Variants in DLC1 observed in about 807,000 individuals in gnomAD.
DLC1 encodes DLC1 Rho GTPase activating protein.
Under a neutral mutation model 140.3 loss-of-function variants are expected in DLC1, and 54 were observed. That is an observed-to-expected ratio of 0.38 (90% CI 0.31 to 0.48). The LOEUF is 0.48. DLC1 is among the 20% of genes least tolerant of loss of function. The probability of loss-of-function intolerance (pLI) is 0.96; values close to 1 mark genes in which losing one functional copy is unlikely to be tolerated. For missense variants in DLC1, 2,536 were observed against 1,907.0 expected, an observed-to-expected ratio of 1.33 and a Z score of -6.14; for synonymous variants, 986 against 728.1, an observed-to-expected ratio of 1.35 and a Z score of -5.70.
At chr8:13,356,130 T>A (rs1020766752) in intron 4 of DLC1, among the ~76,000 whole-genome samples, 1 of 151,804 alleles carries the variant, frequency 6.6e-6, no homozygotes, top group Non-Finnish European at 1.5e-5. Flanking sequence ...TTTTTTATTT[T>A]TAGTTAAGTA....
intron 5 of DLC1, among the ~76,000 whole-genome samples, chr8:13,258,849 A>T (rs1300878155): frequency 6.6e-6 from 1 of 152,162 alleles, no homozygotes; most frequent in African/African-American, 2.4e-5. Flanking sequence ...AAACAGAGAG[A>T]AAATTAGGCC....
chr8:13,312,386 A>AT lies in DLC1; in HGVS notation c.1315-7085_1315-7084insA, dbSNP rs746830060. The stretch of plus-strand genomic sequence containing the variant: ...AAAAAAAAAAAAAAAAAAAAAAAAA[A>AT]AATAATTTCTTTAGCAAGCTAGATA... On this transcript the variant is annotated intron_variant, in intron 4 of 17. Coordinates refer to ENST00000276297, the MANE Select transcript of DLC1 (RefSeq NM_182643.3). 1.6e-3 allele frequency among the ~76,000 whole-genome samples: 134 copies of AT among 81,698 alleles called. 5 individuals are homozygous for AT. Among genetic ancestry groups the AT allele is most frequent in the African/African-American group, 5.5e-3 (124 of 22,404 alleles). 53.6% of individuals were successfully genotyped at this position (81,698 alleles called of 152,430 possible). A position where few individuals can be genotyped will look rare whatever the true frequency, so the allele number is the denominator to read the frequency against.
chr8:13,424,973 C>T (rs952697566), intron 2 of DLC1, among the ~76,000 whole-genome samples: 1 of 152,146 alleles, frequency 6.6e-6, no homozygotes, highest in Non-Finnish European at 1.5e-5. Context: ...TGATCATATG[C>T]ATTTATTGCT....
intron 4 of DLC1, among the ~76,000 whole-genome samples, chr8:13,323,096 C>T (rs1019556835): frequency 2.6e-5 from 4 of 152,198 alleles, no homozygotes; most frequent in East Asian, 3.9e-4. Flanking sequence ...AACCCTATGA[C>T]ATAGGCTCAG....
At chr8:13,093,394 G>C (rs1315360364) in intron 12 of DLC1, among the ~76,000 whole-genome samples, 3 of 151,986 alleles carry the variant, frequency 2.0e-5, no homozygotes, top group Non-Finnish European at 4.4e-5. Flanking sequence ...AAAATATTCA[G>C]TTCAGTTCAA....
At chr8:13,561,826 G>T (rs1300355442) in intron 1 of DLC1, among the ~76,000 whole-genome samples, 2 of 152,128 alleles carry the variant, frequency 1.3e-5, no homozygotes, top group Non-Finnish European at 2.9e-5. Flanking sequence ...AATGGGTAAG[G>T]TTATTAACTC....
At chr8:13,192,254 C>A (rs946492207) in intron 5 of DLC1, among the ~76,000 whole-genome samples, 1 of 150,274 alleles carries the variant, frequency 6.7e-6, no homozygotes, top group Non-Finnish European at 1.5e-5. Flanking sequence ...CCCAGCCAGC[C>A]TGATTATTCT....
intron 5 of DLC1, chr8:13,276,141 T>G: frequency 2.4e-5 from 33 of 1,376,796 alleles, no homozygotes; most frequent in Non-Finnish European, 3.1e-5. Context: ...ATGACAAGAA[T>G]GAAACTTCAA....
chr8:13,296,317 C>A (rs1831951460), intron 5 of DLC1, among the ~76,000 whole-genome samples: 1 of 151,832 alleles, frequency 6.6e-6, no homozygotes, highest in Non-Finnish European at 1.5e-5. Context: ...ACAAAAGGGC[C>A]CTTTCATAAA....
chr8:13,311,823 A>C (rs547310755), intron 4 of DLC1, among the ~76,000 whole-genome samples: 2 of 152,312 alleles, frequency 1.3e-5, no homozygotes, highest in African/African-American at 4.8e-5. Flanking sequence ...CCCTCCCCTA[A>C]GTAAGAATGA....
rs1317194174 is a variant in DLC1, at chr8:13,577,715, G to GT, written c.-126+26821dup. On this transcript the variant is annotated intron_variant, in intron 1 of 1. Transcript: ENST00000631382. ...ATTATGCCCACTGTTTTGGGCTTTT[G>GT]TTTCCTCCTTGGTATCTAGGATTTA... is the stretch of plus-strand genomic sequence containing the variant. 9.9e-5 allele frequency among the ~76,000 whole-genome samples: 15 copies of GT among 152,174 alleles called. No homozygotes were observed. In the East Asian group the frequency reaches 2.7e-3, roughly 27 times the overall value.
At chr8:13,184,825 A>T (rs1826252285) in intron 5 of DLC1, among the ~76,000 whole-genome samples, 1 of 152,202 alleles carries the variant, frequency 6.6e-6, no homozygotes, top group Non-Finnish European at 1.5e-5. Flanking sequence ...TGCTTGTTGC[A>T]GAGCTGAGTT....
chr8:13,579,126 C>G (rs75298705), intron 1 of DLC1, among the ~76,000 whole-genome samples: 21,104 of 149,086 alleles, frequency 0.14, 1,908 homozygotes, highest in African/African-American at 0.26. Flanking sequence ...CATTAAATGA[C>G]AACGGTGTTA....
intron 5 of DLC1, among the ~76,000 whole-genome samples, chr8:13,221,369 C>CTT (rs113799968): frequency 7.1e-6 from 1 of 141,444 alleles, no homozygotes; most frequent in Admixed American, 7.1e-5. Flanking sequence ...GTTTTCTTTT[C>CTT]TTTTTTTTTT....
At chr8:13,143,058 A>AG (rs34343485) in intron 5 of DLC1, among the ~76,000 whole-genome samples, 2 of 151,148 alleles carry the variant, frequency 1.3e-5, no homozygotes, top group Non-Finnish European at 3.0e-5. Context: ...AAAAAAAAAA[A>AG]GGCAGAATTA....
rs1481644598 is a variant in DLC1 at position 13,185,296 on chromosome 8, G to T, written c.1349-69639C>A. ...TGTGTCTTTTCTGTTTTTTTTGTTT[G>T]TTTGTTTGTTTGTTTGTTTGTTTGT... On this transcript the variant is annotated intron_variant, in intron 5 of 17. Transcript: ENST00000276297. Among the ~76,000 whole-genome samples the T allele has an allele frequency of 6.5e-3, 483 of 73,936 alleles. 3 individuals are homozygous for T. The highest frequency in any genetic ancestry group is 0.031 in the East Asian group (47 of 1,532). 48.5% of individuals were successfully genotyped at this position (73,936 alleles called of 152,430 possible). A position where few individuals can be genotyped will look rare whatever the true frequency, so the allele number is the denominator to read the frequency against.
intron 2 of DLC1, among the ~76,000 whole-genome samples, chr8:13,408,060 TAA>T (rs1025694837): frequency 8.3e-4 from 127 of 152,336 alleles, no homozygotes; most frequent in African/African-American, 2.9e-3. Flanking sequence ...GTAATTATCC[TAA>T]GTCAGAATTT....
chr8:13,407,440 A>G (rs980075025), intron 2 of DLC1, among the ~76,000 whole-genome samples: 1 of 152,148 alleles, frequency 6.6e-6, no homozygotes, highest in African/African-American at 2.4e-5. Flanking sequence ...GCAGTTGGGG[A>G]GGAGGTGCAA....
chr8:13,395,306 A>G (rs916963556), intron 3 of DLC1, among the ~76,000 whole-genome samples: 1 of 152,018 alleles, frequency 6.6e-6, no homozygotes, highest in Non-Finnish European at 1.5e-5. Context: ...TATTTTTAGT[A>G]GAGACGGGGT....
Sources: allele counts gnomAD v4.1 joint callset (sites outside exome capture counted in the v4.1 genomes callset), GRCh38; gene constraint gnomAD v4.1.1; transcripts MANE v1.5; gene names NCBI Gene and HGNC (gene_info 2026-07-23, HGNC 2026-07-21).